Variants in CA10 observed in about 807,000 individuals in gnomAD.
The protein encoded by CA10 is carbonic anhydrase-related protein 10.
A neutral mutation model predicts 44.2 loss-of-function variants in CA10; 14 were observed. The observed-to-expected ratio is 0.32, with a 90% CI of 0.21 to 0.50. The LOEUF (loss-of-function observed/expected upper bound fraction) is 0.50. Among genes scored for constraint, CA10 ranks in the 20% least tolerant of loss-of-function variants. The pLI, the probability that CA10 is intolerant of heterozygous loss-of-function variation, is 0.99. For synonymous variants in CA10, 159 were observed against 141.6 expected, an observed-to-expected ratio of 1.12 and a Z score of -0.87; for missense variants, 350 against 409.7, an observed-to-expected ratio of 0.85 and a Z score of 1.26.
chr17:51,778,595 G>A (rs1000618079), intron 3 of CA10, among the ~76,000 whole-genome samples: 1 of 152,218 alleles, frequency 6.6e-6, no homozygotes, highest in African/African-American at 2.4e-5. Flanking sequence ...TAGTCCTGAT[G>A]GCTGTAAAAT....
At chr17:52,082,024 T>C (rs1178392021) in intron 1 of CA10, among the ~76,000 whole-genome samples, 1 of 109,114 alleles carries the variant, frequency 9.2e-6, no homozygotes, top group East Asian at 2.0e-4. Context: ...ATTTTTAACA[T>C]ATATTTTGCT....
intron 2 of CA10, among the ~76,000 whole-genome samples, chr17:52,029,117 ATAAGT>A (rs1907102901): frequency 6.6e-6 from 1 of 152,178 alleles, no homozygotes; most frequent in Non-Finnish European, 1.5e-5. Context: ...GTTTTAAATG[ATAAGT>A]TAATTCTACA....
chr17:52,058,021 T>C (rs1378175016), intron 2 of CA10, among the ~76,000 whole-genome samples: 2 of 152,138 alleles, frequency 1.3e-5, no homozygotes, highest in African/African-American at 4.8e-5. Context: ...TACAAAAGCC[T>C]ATCCAACAGG....
intron 3 of CA10, among the ~76,000 whole-genome samples, chr17:51,867,055 T>C (rs773093745): frequency 5.3e-4 from 80 of 152,210 alleles, no homozygotes; most frequent in African/African-American, 1.8e-3. Context: ...GAGATTGACA[T>C]ATTTCTTTGG....
At chr17:51,907,113 G>C (rs1046568460) in intron 3 of CA10, among the ~76,000 whole-genome samples, 1 of 152,052 alleles carries the variant, frequency 6.6e-6, no homozygotes, top group Admixed American at 6.6e-5. Context: ...AGCCTATGTG[G>C]CTCTTGACAA....
chr17:51,658,694 A>C (rs1255562083), intron 4 of CA10, among the ~76,000 whole-genome samples: 1 of 152,182 alleles, frequency 6.6e-6, no homozygotes, highest in African/African-American at 2.4e-5. Context: ...TTTTATTCCA[A>C]ACACAATAGG....
chr17:52,029,854 TAACTG>T (rs35782829), intron 2 of CA10, among the ~76,000 whole-genome samples: 50,047 of 151,804 alleles, frequency 0.33, 9,902 homozygotes, highest in East Asian at 0.73. Context: ...AAAAGCTATG[TAACTG>T]AACTAAAAAG....
intron 1 of CA10, among the ~76,000 whole-genome samples, chr17:52,116,471 C>G (rs1988899745): frequency 6.6e-6 from 1 of 152,122 alleles, no homozygotes; most frequent in Non-Finnish European, 1.5e-5. Flanking sequence ...TGGGTAAGAG[C>G]AGATAATCCC....
At chr17:51,950,816 A>G (rs1213879272) in intron 2 of CA10, among the ~76,000 whole-genome samples, 2 of 152,246 alleles carry the variant, frequency 1.3e-5, no homozygotes, top group East Asian at 1.9e-4. Flanking sequence ...ATATATTTAT[A>G]TTGATAGTCT....
chr17:51,686,783 G>A (rs932797880), intron 4 of CA10, among the ~76,000 whole-genome samples: 2 of 151,996 alleles, frequency 1.3e-5, no homozygotes, highest in African/African-American at 2.4e-5. Flanking sequence ...CACTTGATCA[G>A]TGGATGGCTT....
chr17:51,638,455 T>C (rs1305304683), intron 6 of CA10, among the ~76,000 whole-genome samples: 1 of 152,192 alleles, frequency 6.6e-6, no homozygotes, highest in Non-Finnish European at 1.5e-5. Context: ...GACACAGTGA[T>C]TGGAATATGG....
At chr17:51,995,029 A>G (rs1253376924) in intron 2 of CA10, among the ~76,000 whole-genome samples, 9 of 152,000 alleles carry the variant, frequency 5.9e-5, no homozygotes, top group Non-Finnish European at 1.3e-4. Flanking sequence ...TCTTTCCTAT[A>G]GTTTACTACA....
intron 3 of CA10, among the ~76,000 whole-genome samples, chr17:51,882,371 G>T (rs1980414173): frequency 1.3e-5 from 2 of 151,982 alleles, no homozygotes; most frequent in Non-Finnish European, 1.5e-5. Flanking sequence ...GAAAATCCAG[G>T]ATCTCCCACT....
chr17:51,767,052 G>A (rs1277752355), intron 3 of CA10, among the ~76,000 whole-genome samples: 3 of 152,172 alleles, frequency 2.0e-5, no homozygotes, highest in African/African-American at 7.2e-5. Context: ...CCTTGTCTTG[G>A]CCATTGACTA....
rs71149390 is a variant in CA10 at position 52,031,155 on chromosome 17, C to CTT, written c.136+41162_136+41163dup. Among the ~76,000 whole-genome samples the CTT allele has an allele frequency of 6.9e-3, 988 of 143,202 alleles. 5 individuals are homozygous for CTT. The highest frequency in any genetic ancestry group is 0.01 in the Non-Finnish European group (675 of 65,502). The allele number at this position is 143,202 out of a possible 152,430, so 93.9% of individuals were successfully genotyped here. A position where few individuals can be genotyped will look rare whatever the true frequency, so the allele number is the denominator to read the frequency against. On this transcript the variant is annotated intron_variant, in intron 2 of 8. Transcript: ENST00000451037. The stretch of plus-strand genomic sequence containing the variant: ...TAAGTGGTTGGCAATGACTTCAACT[C>CTT]TTTTTTTTTTTTTTGAGATGGAGTC...
In CA10 at chr17:51,783,539, T is replaced by G. The variant is rs78222315; in HGVS notation, c.280-35721A>C. Among the ~76,000 whole-genome samples the G allele has an allele frequency of 6.0e-4, 92 of 152,156 alleles. No homozygotes were observed. The East Asian group carries it at 0.017, about 28-fold the overall frequency. ...GTTGGAATTCTCAGTAAGGACCACCTAACTCCAATCCAGGCTTTTTCTATT... is the reference window on the plus strand; with the variant it reads ...GTTGGAATTCTCAGTAAGGACCACCGAACTCCAATCCAGGCTTTTTCTATT... On this transcript the variant is annotated intron_variant, in intron 3 of 8. Transcript: ENST00000451037.
chr17:51,837,452 G>A (rs773229777), intron 3 of CA10, among the ~76,000 whole-genome samples: 1 of 152,172 alleles, frequency 6.6e-6, no homozygotes, highest in East Asian at 1.9e-4. Context: ...ACCACATTAC[G>A]ATATTGGGTA....
At chr17:51,856,657 C>A (rs986083170) in intron 3 of CA10, among the ~76,000 whole-genome samples, 2 of 152,166 alleles carry the variant, frequency 1.3e-5, no homozygotes, top group Non-Finnish European at 2.9e-5. Context: ...TTCCCATTTC[C>A]AGTTGATTCT....
At chr17:52,068,967 C>T (rs536118604) in intron 2 of CA10, among the ~76,000 whole-genome samples, 24 of 152,270 alleles carry the variant, frequency 1.6e-4, no homozygotes, top group Admixed American at 1.0e-3. Context: ...ATGTCTACAG[C>T]GTAAGCCGAT....
Sources: gnomAD v4.1 joint callset for allele counts (sites outside exome capture counted in the v4.1 genomes callset) on GRCh38, gnomAD v4.1.1 for gene constraint, MANE v1.5 for transcripts, NCBI Gene and HGNC (gene_info 2026-07-23, HGNC 2026-07-21) for gene names.